PRKG1: variants seen among roughly 807,000 people sequenced by gnomAD.
The protein encoded by PRKG1 is cGMP-dependent protein kinase 1.
In PRKG1, 35 loss-of-function variants were observed where a neutral mutation model predicts 88.1. That is an observed-to-expected ratio of 0.40 (90% confidence interval 0.30 to 0.53). The LOEUF is 0.53. Ranked by LOEUF, PRKG1 falls within the 20% of genes least tolerant of loss-of-function variation. The probability of loss-of-function intolerance (pLI) is 0.59; values close to 1 mark genes in which losing one functional copy is unlikely to be tolerated. For synonymous variants in PRKG1, 303 were observed against 292.5 expected, an observed-to-expected ratio of 1.04 and a Z score of -0.37; for missense variants, 540 against 839.8, an observed-to-expected ratio of 0.64 and a Z score of 4.41.
At chr10:51,457,424 T>C (rs1173448124) in intron 2 of PRKG1, among the ~76,000 whole-genome samples, 1 of 151,870 alleles carries the variant, frequency 6.6e-6, no homozygotes, top group African/African-American at 2.4e-5. Context: ...GGGGACTCAG[T>C]GGGGAGGGGG....
Position 51,434,520 on chromosome 10 carries a change from T to C in PRKG1, c.479-33203T>C, listed in dbSNP as rs1588954285. On this transcript the variant is annotated intron_variant, in intron 2 of 17. Transcript: ENST00000373980. Reference sequence around the variant, plus strand: ...AAATTTCAGTGGCAGCTGAAACACCTGCCCAGAAAGCAAGGCAATTTTTAA... The same window carrying C: ...AAATTTCAGTGGCAGCTGAAACACCCGCCCAGAAAGCAAGGCAATTTTTAA... 2.0e-5 allele frequency among the ~76,000 whole-genome samples: 3 copies of C among 152,234 alleles called. No individual in the cohort carries two copies. In the Middle Eastern group the frequency reaches 0.01, roughly 518 times the overall value.
intron 3 of PRKG1, among the ~76,000 whole-genome samples, chr10:51,557,051 C>G (rs576555694): frequency 2.0e-5 from 3 of 152,072 alleles, no homozygotes; most frequent in South Asian, 2.1e-4. Flanking sequence ...ATGATACCAC[C>G]CGCTTCTCCC....
At chr10:51,006,500 T>C (rs1053195645) in intron 1 of PRKG1, among the ~76,000 whole-genome samples, 3 of 152,250 alleles carry the variant, frequency 2.0e-5, no homozygotes, top group Non-Finnish European at 2.9e-5. Flanking sequence ...TTTAACCCTG[T>C]GACAGGAATG....
chr10:51,181,224 ATTTT>A (rs1223588085), intron 2 of PRKG1, among the ~76,000 whole-genome samples: 1 of 78,278 alleles, frequency 1.3e-5, no homozygotes, highest in Non-Finnish European at 2.4e-5. Flanking sequence ...ATTATATAGA[ATTTT>A]TTTTTTTTTT....
intron 7 of PRKG1, among the ~76,000 whole-genome samples, chr10:52,106,651 C>A (rs897697014): frequency 6.6e-5 from 10 of 150,600 alleles, no homozygotes; most frequent in African/African-American, 2.4e-4. Flanking sequence ...TTGCAGTGAG[C>A]CGAGATCGCG....
intron 7 of PRKG1, among the ~76,000 whole-genome samples, chr10:52,090,496 T>C (rs1362011502): frequency 2.7e-5 from 4 of 149,830 alleles, no homozygotes; most frequent in Admixed American, 6.6e-5. Context: ...TTAATAAATG[T>C]AGAAGAAATA....
At chr10:51,787,032 G>A (rs1383305059) in intron 3 of PRKG1, among the ~76,000 whole-genome samples, 1 of 152,110 alleles carries the variant, frequency 6.6e-6, no homozygotes, top group African/African-American at 2.4e-5. Context: ...TTTGGTCATT[G>A]TGGTTAAAAT....
chr10:52,183,434 G>A lies in PRKG1; in HGVS notation c.1076+21471G>A, dbSNP rs117159593. ...AGGAGACCTCTCCCATTTGGGGAAGGGCCACAGCATTTTGGCTGTCTCAAG... is the reference window on the plus strand; with the variant it reads ...AGGAGACCTCTCCCATTTGGGGAAGAGCCACAGCATTTTGGCTGTCTCAAG... On this transcript the variant is annotated intron_variant, in intron 9 of 17. Coordinates refer to ENST00000373980, the MANE Select transcript of PRKG1 (RefSeq NM_006258.4). Among the ~76,000 whole-genome samples the A allele has an allele frequency of 9.2e-3, 1,398 of 152,300 alleles. 7 individuals are homozygous for A. Among genetic ancestry groups the A allele is most frequent in the Non-Finnish European group, 0.014 (967 of 68,014 alleles).
At chr10:52,252,220 C>T (rs1316537518) in intron 10 of PRKG1, 1 of 152,110 alleles carries the variant, frequency 6.6e-6, no homozygotes, top group South Asian at 2.1e-4. Flanking sequence ...TATGTATACA[C>T]ATATACATAC....
Position 51,398,418 on chromosome 10 carries a change from G to T in PRKG1, c.479-69305G>T, listed in dbSNP as rs539505719. ...ACTCACCTGCTGCTCACCTCCTGCT[G>T]TGTGGCCCGGTTCCTAACAGGTCAT... On this transcript the variant is annotated intron_variant, in intron 2 of 17. Coordinates refer to ENST00000373980, the MANE Select transcript of PRKG1 (RefSeq NM_006258.4). Among the ~76,000 whole-genome samples the T allele has an allele frequency of 3.3e-5, 5 of 152,284 alleles. No individual in the cohort carries two copies. In the East Asian group the frequency reaches 7.7e-4, roughly 24 times the overall value.
At chr10:51,759,646 G>A (rs895523183) in intron 3 of PRKG1, among the ~76,000 whole-genome samples, 11 of 152,142 alleles carry the variant, frequency 7.2e-5, no homozygotes, top group African/African-American at 2.7e-4. Context: ...ATGCATTTGA[G>A]GAGAGTCTTT....
chr10:51,790,014 A>T (rs2879612), intron 3 of PRKG1, among the ~76,000 whole-genome samples: 2,374 of 151,936 alleles, frequency 0.016, 78 homozygotes, highest in African/African-American at 0.054. Context: ...TAGAGATGGG[A>T]GTTTCACCGT....
intron 7 of PRKG1, among the ~76,000 whole-genome samples, chr10:52,130,963 C>T (rs9971185): frequency 0.33 from 50,566 of 151,932 alleles, 8,744 homozygotes; most frequent in African/African-American, 0.42. Context: ...CTGGGCCAGG[C>T]ACTATGTTAA....
chr10:52,040,003 C>A (rs1404067931), intron 5 of PRKG1, among the ~76,000 whole-genome samples: 2 of 152,150 alleles, frequency 1.3e-5, no homozygotes, highest in African/African-American at 4.8e-5. Context: ...CCATAAGAAC[C>A]ACATCCTCCA....
At position 51,690,180 on chromosome 10, in the gene PRKG1, AACTC is replaced by A. The variant is rs145189299; in HGVS notation, c.593-114397_593-114394del. On this transcript the variant is annotated intron_variant, in intron 3 of 17. Coordinates refer to ENST00000373980, the MANE Select transcript of PRKG1 (RefSeq NM_006258.4). ...CTTTTAAATTACCAGATTACATGAG[AACTC>A]ACTCACTAATAAGAGGACAGTACCA... Among the ~76,000 whole-genome samples, 1,309 of 152,164 alleles carry A rather than the reference AACTC, an allele frequency of 8.6e-3. 13 individuals are homozygous for A. The highest frequency in any genetic ancestry group is 0.027 in the Middle Eastern group (8 of 294).
At chr10:52,171,812 T>TTTTA (rs1554813238) in intron 9 of PRKG1, among the ~76,000 whole-genome samples, 2 of 92,140 alleles carry the variant, frequency 2.2e-5, no homozygotes, top group South Asian at 6.3e-4. Context: ...TTTTTTTTTT[T>TTTTA]TGAGACGGAG....
chr10:52,248,843 G>A (rs960659130), intron 9 of PRKG1, among the ~76,000 whole-genome samples: 9 of 151,882 alleles, frequency 5.9e-5, no homozygotes, highest in East Asian at 1.9e-4. Context: ...TAACTTTTGC[G>A]CCCTGTATCT....
rs534429942 is a variant in PRKG1 at position 51,694,702 on chromosome 10, G to T, written c.593-109883G>T. ...CAACTATTATGATGAATGAATTGGT[G>T]ATTTTATTTTAGTCTACACATCCTA... On this transcript the variant is annotated intron_variant, in intron 3 of 17. Transcript: ENST00000373980. 7.2e-5 allele frequency among the ~76,000 whole-genome samples: 11 copies of T among 152,254 alleles called. No individual in the cohort carries two copies. The South Asian group carries it at 2.3e-3, about 32-fold the overall frequency.
At chr10:51,565,131 G>C (rs1275861152) in intron 3 of PRKG1, among the ~76,000 whole-genome samples, 1 of 152,044 alleles carries the variant, frequency 6.6e-6, no homozygotes, top group Non-Finnish European at 1.5e-5. Flanking sequence ...AAACAAAATA[G>C]ATACCAAATT....
Sources: gnomAD v4.1 joint callset for allele counts (sites outside exome capture counted in the v4.1 genomes callset) on GRCh38, gnomAD v4.1.1 for gene constraint, MANE v1.5 for transcripts, NCBI Gene and HGNC (gene_info 2026-07-23, HGNC 2026-07-21) for gene names.